TRIB3: variants seen among roughly 807,000 people sequenced by gnomAD.
TRIB3 encodes tribbles homolog 3.
In TRIB3, 20 loss-of-function variants were observed where a neutral mutation model predicts 16.6. That is an observed-to-expected ratio of 1.20 (90% confidence interval 0.85 to 1.75). The LOEUF (loss-of-function observed/expected upper bound fraction) is 1.75, where lower values mean the gene tolerates loss of function less well. Ranked by LOEUF, TRIB3 falls within the 40% of genes most tolerant of loss-of-function variation. TRIB3 has a pLI of 0.00. For synonymous variants in TRIB3, 208 were observed against 217.0 expected (o/e 0.96, Z 0.36); for missense variants, 484 against 488.9 (o/e 0.99, Z 0.10).
chr20:390,742 C>T (rs1164333757), intron 2 of TRIB3, among the ~76,000 whole-genome samples: 2 of 152,170 alleles, frequency 1.3e-5, no homozygotes, highest in African/African-American at 4.8e-5. Flanking sequence ...TGGCTCACAC[C>T]TGTAATCCCA....
At chr20:383,540 T>C (rs1313551978) in intron 1 of TRIB3, among the ~76,000 whole-genome samples, 1 of 152,206 alleles carries the variant, frequency 6.6e-6, no homozygotes, top group Non-Finnish European at 1.5e-5. Context: ...CCTTCTGGGC[T>C]CAAGTGATTC....
chr20:395,408 A>G (rs1016239885), intron 3 of TRIB3, among the ~76,000 whole-genome samples: 1 of 150,376 alleles, frequency 6.6e-6, no homozygotes, highest in African/African-American at 2.5e-5. Context: ...TGATCCCCCT[A>G]CCTCGGCCTC....
chr20:384,278 A>G (rs942722856), intron 1 of TRIB3, among the ~76,000 whole-genome samples: 4 of 152,200 alleles, frequency 2.6e-5, no homozygotes, highest in Non-Finnish European at 4.4e-5. Flanking sequence ...GATAATTCCA[A>G]ATCCTATTGT....
At chr20:387,947 C>A in intron 1 of TRIB3, 64 bp from the exon 2 acceptor site, 1 of 1,555,812 alleles carries the variant, frequency 6.4e-7, no homozygotes, top group African/African-American at 1.4e-5. Context: ...ATCCTCCCAC[C>A]AGCAGGGGAA....
chr20:391,001 C>CGAAAAAAAAA (rs747388615), intron 2 of TRIB3, among the ~76,000 whole-genome samples: 1 of 85,780 alleles, frequency 1.2e-5, no homozygotes. Context: ...GACTCCGTCT[C>CGAAAAAAAAA]AAAAAAAAAA....
intron 1 of TRIB3, among the ~76,000 whole-genome samples, chr20:384,454 C>T (rs1388967866): frequency 6.6e-6 from 1 of 152,164 alleles, no homozygotes; most frequent in East Asian, 1.9e-4. Context: ...ACCTCTGCCT[C>T]CCAGGCTCAA....
chr20:395,659 T>A (rs2015103905), intron 3 of TRIB3, among the ~76,000 whole-genome samples: 1 of 152,136 alleles, frequency 6.6e-6, no homozygotes, highest in Non-Finnish European at 1.5e-5. Context: ...CAGCCAGCGT[T>A]CCCATCCCAG....
chr20:388,046 C>A lies in TRIB3; in HGVS notation c.36C>A (p.Ser12=), dbSNP rs1404529008. The A allele has an allele frequency of 1.9e-6, 3 of 1,614,020 alleles. No individual in the cohort carries two copies. In the South Asian group the frequency reaches 3.3e-5, roughly 18 times the overall value. The change falls in exon 2 of 4, where the codon TCC becomes TCA. Residue 12 remains serine, a synonymous_variant. Transcript: ENST00000217233. The stretch of plus-strand genomic sequence containing the variant: ...CCCCTCTGGCTGCTCCTGCGGGTTC[C>A]CTGTCCAGGAAGAAGCGGTTGGAGT... The part of the protein sequence containing the change: ...RATPLAAPAG[S]LSRKKRLELD...
Position 397,250 on chromosome 20 carries a change from G to A in TRIB3, c.*560G>A, listed in dbSNP as rs991074650. On this transcript the variant is annotated 3_prime_UTR_variant, in exon 4 of 4. Transcript: ENST00000217233. ...AGCATCTCTGTCCTCTTGATTAAGA[G>A]ATTCTCCTTCCAGGCCTAAGCCTGG... 1 of 153,326 alleles carries A rather than the reference G, an allele frequency of 6.5e-6. No homozygotes were observed. Among genetic ancestry groups the A allele is most frequent in the Non-Finnish European group, 1.5e-5 (1 of 68,654 alleles). The allele number at this position is 153,326 out of a possible 1,614,324, so 9.5% of individuals were successfully genotyped here.
intron 1 of TRIB3, among the ~76,000 whole-genome samples, chr20:381,931 AC>A (rs1049853179): frequency 1.3e-5 from 2 of 151,138 alleles, no homozygotes; most frequent in South Asian, 2.1e-4. Flanking sequence ...CCTCTGCCTC[AC>A]CCCCCTCCTG....
chr20:382,350 T>C, intron 1 of TRIB3: 2 of 592,822 alleles, frequency 3.4e-6, no homozygotes, highest in Non-Finnish European at 3.0e-6. Context: ...CAACAGGCTC[T>C]GAGGGATGGC....
chr20:393,962 C>T (rs1298773967), intron 3 of TRIB3, among the ~76,000 whole-genome samples: 1 of 151,976 alleles, frequency 6.6e-6, no homozygotes, highest in East Asian at 1.9e-4. Flanking sequence ...AGCCATCCAT[C>T]TTGCCTATAG....
chr20:396,646 G>T lies in TRIB3; in HGVS notation c.1033G>T (p.Ala345Ser). 2 of 1,612,856 alleles carry T rather than the reference G, an allele frequency of 1.2e-6. No homozygotes were observed. Among genetic ancestry groups the T allele is most frequent in the Non-Finnish European group, 1.7e-6 (2 of 1,179,852 alleles). The change falls in exon 4 of 4, where the codon GCC (alanine) becomes TCC (serine). Residue 345 changes from alanine to serine, a missense_variant. Ala to Ser is a moderately conservative substitution (Grantham distance 99). Transcript: ENST00000217233. ...CCCTGATGGACTGGGGCTGGACGAA[G>T]CCAGGGAAGAGGAGGGAGACAGAGA... ...VVPDGLGLDE[A>S]REEEGDREVV...
chr20:381,381 C>T (rs1348056265), intron 1 of TRIB3: 2 of 152,906 alleles, frequency 1.3e-5, no homozygotes, highest in South Asian at 4.1e-4. Flanking sequence ...AGTGCTCCCC[C>T]CGGGCTTCAG....
intron 2 of TRIB3, among the ~76,000 whole-genome samples, chr20:390,129 C>T (rs1379281983): frequency 2.0e-5 from 3 of 152,100 alleles, no homozygotes; most frequent in Admixed American, 6.5e-5. Flanking sequence ...GAGTTCGAGA[C>T]TATCCTGGCC....
In TRIB3 at chr20:391,851, G is replaced by A. The variant is rs565190233; in HGVS notation, c.584+272G>A. Reference sequence around the variant, plus strand: ...AGCCTGGCCAACATGGTGAAACTCCGTCTCTACTAAAAATACAAAAATTAG... The same window carrying A: ...AGCCTGGCCAACATGGTGAAACTCCATCTCTACTAAAAATACAAAAATTAG... On this transcript the variant is annotated intron_variant, in intron 3 of 3. Transcript: ENST00000217233. Among the ~76,000 whole-genome samples the A allele has an allele frequency of 8.5e-5, 13 of 152,164 alleles. No individual in the cohort carries two copies. The South Asian group carries it at 2.5e-3, about 29-fold the overall frequency.
At position 391,387 on chromosome 20, in the gene TRIB3, A is replaced by G. The variant is rs768222264; in HGVS notation, c.392A>G (p.Gln131Arg). ...ARPTEVLAGTQLLYAFFTRTH... is the reference protein window; with the variant it reads ...ARPTEVLAGTRLLYAFFTRTH... ...CCCACTGAGGTCCTGGCTGGTACCC[A>G]GCTCCTCTACGCCTTTTTCACTCGG... The change falls in exon 3 of 4, where the codon CAG becomes CGG. Residue 131 changes from glutamine to arginine, a missense_variant. Physicochemically the swap from Gln to Arg is conservative, Grantham distance 43. Coordinates refer to ENST00000217233, the MANE Select transcript of TRIB3 (RefSeq NM_021158.5). The G allele has an allele frequency of 2.9e-5, 46 of 1,613,648 alleles. No individual in the cohort carries two copies. The highest frequency in any genetic ancestry group is 2.3e-4 in the South Asian group (21 of 91,084).
At position 396,743 on chromosome 20, in the gene TRIB3, C is replaced by T. The variant is rs2015143198; in HGVS notation, c.*53C>T. On this transcript the variant is annotated 3_prime_UTR_variant, in exon 4 of 4. Transcript: ENST00000217233. ...AACAGTGGATTGAGTTTGGGGGTAG[C>T]TCCAAGCCTTCTCCTGCCTCTGAAC... 28 of 1,546,630 alleles carry T rather than the reference C, an allele frequency of 1.8e-5. No individual in the cohort carries two copies. The highest frequency in any genetic ancestry group is 2.4e-5 in the Non-Finnish European group (27 of 1,148,490).
At chr20:382,431 A>G in intron 1 of TRIB3, 1 of 1,156,226 alleles carries the variant, frequency 8.6e-7, no homozygotes, top group Non-Finnish European at 1.2e-6. Flanking sequence ...CCTGCTGCAC[A>G]GGGCACAAAG....
Sources: gnomAD v4.1 joint callset for allele counts (sites outside exome capture counted in the v4.1 genomes callset) on GRCh38, gnomAD v4.1.1 for gene constraint, MANE v1.5 for transcripts, NCBI Gene and HGNC (gene_info 2026-07-23, HGNC 2026-07-21) for gene names.